Variants in SHOC1 observed in about 807,000 individuals in gnomAD.
SHOC1 encodes protein shortage in chiasmata 1 ortholog.
A neutral mutation model predicts 179.2 loss-of-function variants in SHOC1; 136 were observed. The ratio of observed to expected loss-of-function variants is 0.76; its 90% CI spans 0.66 to 0.87. SHOC1 has a LOEUF of 0.87. SHOC1 is among the 40% of genes least tolerant of loss of function. SHOC1 has a pLI of 0.00. For synonymous variants in SHOC1, 489 were observed against 586.6 expected (o/e 0.83, Z 2.41); for missense variants, 1,538 against 1,700.8 (o/e 0.90, Z 1.68).
In SHOC1 at chr9:111,686,784, G is replaced by A; in HGVS notation, c.4513C>T (p.Leu1505=). ...VPGRVDGQTR[L]RFF ...CTTCTCCTCCTTCAAAAAAACCTCA[G>A]CCGAGTCTGCCCATCAACTCTACCA... is the stretch of plus-strand genomic sequence containing the variant. Residue 1505 remains leucine, a synonymous_variant, in exon 28 of 28, where the codon CTG becomes TTG. Transcript: ENST00000682961. The A allele has an allele frequency of 6.2e-7, 1 of 1,612,060 alleles. No homozygotes were observed. Among genetic ancestry groups the A allele is most frequent in the South Asian group, 1.1e-5 (1 of 91,026 alleles).
At chr9:111,774,248 AAAT>A (rs1835740400) in intron 5 of SHOC1, among the ~76,000 whole-genome samples, 1 of 152,110 alleles carries the variant, frequency 6.6e-6, no homozygotes, top group African/African-American at 2.4e-5. Flanking sequence ...TATATAATAG[AAAT>A]AAATTATAGA....
Position 111,738,460 on chromosome 9 carries a change from C to T in SHOC1, c.1237G>A (p.Val413Ile). The T allele has an allele frequency of 6.2e-7, 1 of 1,604,882 alleles. No individual in the cohort carries two copies. Residue 413 changes from valine to isoleucine, a missense_variant, in exon 12 of 28, where the codon GTT becomes ATT. By Grantham distance (29) the Val-to-Ile change is conservative (BLOSUM62 3). Coordinates refer to ENST00000682961, the MANE Select transcript of SHOC1 (RefSeq NM_001378211.1). ...TTAATCACAAGGCTTTCTTCTTTAACAGAAAATATCTTTTTCAAATCTGTA... is the reference window on the plus strand; with the variant it reads ...TTAATCACAAGGCTTTCTTCTTTAATAGAAAATATCTTTTTCAAATCTGTA... Reference protein sequence around the residue: ...SVTDLKKIFSVKEESLVINLE... With the variant: ...SVTDLKKIFSIKEESLVINLE...
At chr9:111,734,361 C>T (rs1222921032) in intron 12 of SHOC1, among the ~76,000 whole-genome samples, 1 of 152,110 alleles carries the variant, frequency 6.6e-6, no homozygotes, top group Non-Finnish European at 1.5e-5. Flanking sequence ...ATGGATATTT[C>T]AAGACCTCAT....
At chr9:111,761,982 T>TAG (rs1429857318) in intron 5 of SHOC1, among the ~76,000 whole-genome samples, 2 of 152,204 alleles carry the variant, frequency 1.3e-5, no homozygotes, top group Non-Finnish European at 2.9e-5. Context: ...AAAAAGCACT[T>TAG]ATACTAAATA....
At chr9:111,729,888 CA>C (rs34638806) in intron 12 of SHOC1, among the ~76,000 whole-genome samples, 27 of 142,016 alleles carry the variant, frequency 1.9e-4, no homozygotes, top group Non-Finnish European at 2.6e-4. Context: ...GACTTGGTCT[CA>C]AAAAAAAAAA....
intron 12 of SHOC1, chr9:111,738,040 A>C (rs1833883740): frequency 4.7e-6 from 2 of 424,616 alleles, no homozygotes; most frequent in Admixed American, 8.4e-5. Context: ...GAAATTTAAA[A>C]ACTGAGACTA....
intron 5 of SHOC1, among the ~76,000 whole-genome samples, chr9:111,763,460 G>A (rs1835224048): frequency 6.6e-6 from 1 of 152,006 alleles, no homozygotes; most frequent in Non-Finnish European, 1.5e-5. Context: ...TTAGGAATCA[G>A]AATGGCATTG....
intron 17 of SHOC1, 127 bp from the exon 18 acceptor site, chr9:111,713,299 T>C (rs1832635752): frequency 5.5e-6 from 3 of 548,850 alleles, no homozygotes; most frequent in Non-Finnish European, 9.7e-6. Flanking sequence ...ACAAAGCAAA[T>C]ATTTCTGTTG....
At chr9:111,690,099 A>C (rs1178743916) in intron 27 of SHOC1, among the ~76,000 whole-genome samples, 1 of 151,914 alleles carries the variant, frequency 6.6e-6, no homozygotes, top group Non-Finnish European at 1.5e-5. Flanking sequence ...AAAATCATAA[A>C]TATTAGCTAC....
intron 11 of SHOC1, 28 bp from the exon 12 acceptor site, chr9:111,738,550 TAGAAAC>T (rs763526727): frequency 6.6e-7 from 1 of 1,504,750 alleles, no homozygotes; most frequent in East Asian, 2.4e-5. Flanking sequence ...AACAAATAGT[TAGAAAC>T]AGTCTACAAA....
Position 111,714,526 on chromosome 9 carries a change from C to T in SHOC1, c.2334G>A (p.Gly778=). 6.2e-7 allele frequency: 1 copy of T among 1,613,858 alleles called. No homozygotes were observed. The highest frequency in any genetic ancestry group is 1.1e-5 in the South Asian group (1 of 91,074). Residue 778 remains glycine (G), a synonymous_variant, in exon 17 of 28, where the codon GGG becomes GGA. Transcript: ENST00000682961. ...RQLEIVQFIR[G]KKPETNYKIQ... ...TCTTGTAGTTGGTTTCAGGCTTTTT[C>T]CCCCTAATAAACTGTACAATCTCCA...
chr9:111,732,040 A>G, intron 12 of SHOC1, among the ~76,000 whole-genome samples: 1 of 152,194 alleles, frequency 6.6e-6, no homozygotes, highest in Middle Eastern at 3.2e-3. Context: ...AACATGTAAT[A>G]AGATGCCCAA....
At chr9:111,711,883 A>G (rs1832570170) in intron 18 of SHOC1, among the ~76,000 whole-genome samples, 1 of 152,218 alleles carries the variant, frequency 6.6e-6, no homozygotes, top group African/African-American at 2.4e-5. Context: ...GTGTAGGAAT[A>G]GAGAAGTTAA....
chr9:111,792,380 GA>G (rs200459927), intron 1 of SHOC1, among the ~76,000 whole-genome samples: 5,171 of 152,210 alleles, frequency 0.034, 162 homozygotes, highest in Admixed American at 0.086. Flanking sequence ...CCAAGAGTTT[GA>G]GACCAGCTTG....
intron 12 of SHOC1, among the ~76,000 whole-genome samples, chr9:111,735,351 C>A (rs13300808): frequency 0.55 from 84,189 of 151,894 alleles, 24,055 homozygotes; most frequent in East Asian, 0.87. Context: ...AACCCCACAA[C>A]AGGCCCTGGT....
At chr9:111,707,776 A>G (rs940933550) in intron 19 of SHOC1, 79 bp downstream of exon 19, 7 of 937,312 alleles carry the variant, frequency 7.5e-6, no homozygotes, top group Non-Finnish European at 1.0e-5. Flanking sequence ...AAATTTTTAA[A>G]GTTAACTTCT....
intron 15 of SHOC1, among the ~76,000 whole-genome samples, chr9:111,722,014 G>A (rs921691911): frequency 1.3e-5 from 2 of 152,004 alleles, no homozygotes; most frequent in Non-Finnish European, 2.9e-5. Flanking sequence ...CTGGTAGGAG[G>A]GTAAATCTAG....
chr9:111,701,766 G>A (rs28399206), intron 23 of SHOC1, among the ~76,000 whole-genome samples: 8,370 of 152,060 alleles, frequency 0.055, 561 homozygotes, highest in African/African-American at 0.16. Context: ...TCTTACGTTC[G>A]AACTTATACC....
At chr9:111,694,411 A>G (rs897515063) in intron 24 of SHOC1, 49 bp from the exon 25 acceptor site, 2 of 1,374,850 alleles carry the variant, frequency 1.5e-6, no homozygotes, top group Non-Finnish European at 2.0e-6. Context: ...AGGAAGCAAA[A>G]TATAATATTT....
Sources: gnomAD v4.1 joint callset for allele counts (sites outside exome capture counted in the v4.1 genomes callset) on GRCh38, gnomAD v4.1.1 for gene constraint, MANE v1.5 for transcripts, NCBI Gene and HGNC (gene_info 2026-07-23, HGNC 2026-07-21) for gene names.